Variants in DPH6 observed in about 807,000 individuals in gnomAD.
DPH6 encodes diphthamine biosynthesis 6.
Under a neutral mutation model 38.2 loss-of-function variants are expected in DPH6, and 33 were observed. That is an observed-to-expected ratio of 0.86 (90% confidence interval 0.65 to 1.15). The LOEUF (loss-of-function observed/expected upper bound fraction) is 1.15. Among genes scored for constraint, DPH6 ranks in the 50% most tolerant of loss-of-function variants. The pLI is 0.00. For synonymous variants in DPH6, 108 were observed against 103.0 expected (o/e 1.05, Z -0.30); for missense variants, 325 against 320.0 (o/e 1.02, Z -0.12).
intron 3 of DPH6, chr15:35,489,629 CATA>C (rs1486227732): frequency 1.0e-6 from 1 of 981,840 alleles, no homozygotes; most frequent in African/African-American, 1.8e-5. Context: ...TTCTCTGCAA[CATA>C]ATGTTAAGTA....
intron 3 of DPH6, among the ~76,000 whole-genome samples, chr15:35,511,961 AGTTTT>A (rs1342901445): frequency 5.9e-5 from 9 of 152,278 alleles, no homozygotes; most frequent in Admixed American, 5.2e-4. Flanking sequence ...GTAGCACTAT[AGTTTT>A]GTTTTGTTTT....
At chr15:35,451,663 A>G (rs1340539138) in intron 4 of DPH6, among the ~76,000 whole-genome samples, 2 of 152,004 alleles carry the variant, frequency 1.3e-5, no homozygotes, top group Non-Finnish European at 2.9e-5. Context: ...CCCTGCTTCC[A>G]CCCTCACCCT....
chr15:35,476,758 T>G (rs1431153922), intron 3 of DPH6, among the ~76,000 whole-genome samples: 1 of 151,864 alleles, frequency 6.6e-6, no homozygotes, highest in Non-Finnish European at 1.5e-5. Context: ...GAGATTGAAT[T>G]CCACTTGCCA....
At chr15:35,151,123 C>T in the DPH6 span, among the ~76,000 whole-genome samples, 2 of 152,116 alleles carry the variant, frequency 1.3e-5, no homozygotes, top group African/African-American at 2.4e-5. Context: ...AACTTTAACC[C>T]GGGGAAGTGG....
Position 35,450,745 on chromosome 15 carries a change from A to G in DPH6, c.445T>C (p.Leu149=). 6.2e-7 allele frequency: 1 copy of G among 1,613,286 alleles called. No individual in the cohort carries two copies. Among genetic ancestry groups the G allele is most frequent in the Non-Finnish European group, 8.5e-7 (1 of 1,179,670 alleles). Residue 149 remains leucine, a synonymous_variant, in exon 5 of 9, where the codon TTG becomes CTG. Coordinates refer to ENST00000256538, the MANE Select transcript of DPH6 (RefSeq NM_080650.4). The part of the protein sequence containing the change: ...AYLWQRNQED[L]LREMISSNIQ... The stretch of plus-strand genomic sequence containing the variant: ...TTAGATGATATCATCTCTCTGAGCA[A>G]ATCTTCCTGGTTTCTCTGCCAAAGA...
chr15:35,182,280 G>T, the DPH6 span, among the ~76,000 whole-genome samples: 1 of 116,606 alleles, frequency 8.6e-6, no homozygotes, highest in Non-Finnish European at 1.7e-5. Flanking sequence ...AAAACCCTGA[G>T]AAATGCTATA....
the DPH6 span, among the ~76,000 whole-genome samples, chr15:35,200,957 C>A: frequency 3.4e-5 from 5 of 145,748 alleles, no homozygotes; most frequent in East Asian, 9.9e-4. Context: ...AAACTAAAAT[C>A]ACCTGCAATT....
the DPH6 span, among the ~76,000 whole-genome samples, chr15:35,160,292 T>C: frequency 6.6e-6 from 1 of 152,026 alleles, no homozygotes; most frequent in Non-Finnish European, 1.5e-5. Context: ...CTTCCATGTG[T>C]AGGCTTTCCA....
chr15:35,270,713 G>A (rs1020538187), intron 3 of DPH6, among the ~76,000 whole-genome samples: 1 of 152,186 alleles, frequency 6.6e-6, no homozygotes, highest in Non-Finnish European at 1.5e-5. Context: ...TCTTGTGTTT[G>A]TAGGGAATGA....
intron 3 of DPH6, among the ~76,000 whole-genome samples, chr15:35,250,137 C>A (rs2051662861): frequency 6.6e-6 from 1 of 151,654 alleles, no homozygotes; most frequent in South Asian, 2.1e-4. Context: ...GAGATCGCGC[C>A]ACTGCACTCC....
chr15:35,532,753 A>AGAG (rs1446800082), intron 3 of DPH6, among the ~76,000 whole-genome samples: 1 of 152,038 alleles, frequency 6.6e-6, no homozygotes, highest in Admixed American at 6.6e-5. Flanking sequence ...TGTTTTTTAA[A>AGAG]GAGGAGGAGG....
At chr15:35,223,546 C>A (rs1214142383) in intron 3 of DPH6, among the ~76,000 whole-genome samples, 1 of 152,100 alleles carries the variant, frequency 6.6e-6, no homozygotes, top group Non-Finnish European at 1.5e-5. Context: ...ATTAACCAGG[C>A]ACGGTGGTGG....
At chr15:35,161,404 A>G in the DPH6 span, among the ~76,000 whole-genome samples, 1 of 151,638 alleles carries the variant, frequency 6.6e-6, no homozygotes, top group African/African-American at 2.4e-5. Flanking sequence ...TGAGCTCCAC[A>G]CTCCTGTAGT....
chr15:35,162,821 T>C, the DPH6 span, among the ~76,000 whole-genome samples: 1 of 151,898 alleles, frequency 6.6e-6, no homozygotes, highest in Admixed American at 6.6e-5. Flanking sequence ...CAAAGGTTTT[T>C]CCAAAACTGT....
At chr15:35,409,830 T>G (rs2053342334) in intron 6 of DPH6, among the ~76,000 whole-genome samples, 1 of 151,890 alleles carries the variant, frequency 6.6e-6, no homozygotes, top group South Asian at 2.1e-4. Flanking sequence ...AAATATAATT[T>G]ATCACAATTA....
At chr15:35,529,577 C>T (rs2055056644) in intron 3 of DPH6, among the ~76,000 whole-genome samples, 1 of 152,128 alleles carries the variant, frequency 6.6e-6, no homozygotes, top group Admixed American at 6.5e-5. Context: ...ACTCCCATAA[C>T]CCTTTAGTTG....
Position 35,243,011 on chromosome 15 carries a change from CTT to C in DPH6, n.201-22431_201-22430del, listed in dbSNP as rs2051610999. Among the ~76,000 whole-genome samples the C allele has an allele frequency of 2.1e-5, 3 of 142,544 alleles. 1 individual carries two copies. Among genetic ancestry groups the C allele is most frequent in the Non-Finnish European group, 4.6e-5 (3 of 65,320 alleles). The allele number at this position is 142,544 out of a possible 152,430, so 93.5% of individuals were successfully genotyped here. ...TTAACTCTTGAAGTAAATAAATAAT[CTT>C]TGCTGGCAGGACTATGCTGAACCTC... On this transcript the variant is annotated intron_variant and non_coding_transcript_variant, in intron 3 of 3. Coordinates refer to the DPH6 transcript ENST00000560386.
At chr15:35,342,314 A>G (rs2052428201) in intron 3 of DPH6, among the ~76,000 whole-genome samples, 1 of 152,220 alleles carries the variant, frequency 6.6e-6, no homozygotes, top group East Asian at 1.9e-4. Context: ...GTGGGCTCAC[A>G]AGGAGATCTC....
chr15:35,299,604 C>A (rs959831141), intron 3 of DPH6, among the ~76,000 whole-genome samples: 1 of 152,144 alleles, frequency 6.6e-6, no homozygotes, highest in Non-Finnish European at 1.5e-5. Context: ...GCTGGGAGAG[C>A]GCGCCCCATC....
Sources: allele counts gnomAD v4.1 joint callset (sites outside exome capture counted in the v4.1 genomes callset), GRCh38; gene constraint gnomAD v4.1.1; transcripts MANE v1.5; gene names NCBI Gene and HGNC (gene_info 2026-07-23, HGNC 2026-07-21).